BACH2: variants seen among roughly 807,000 people sequenced by gnomAD.
The protein encoded by BACH2 is BACH transcriptional regulator 2.
BACH2 carries 5 observed loss-of-function variants against 61.8 expected under a neutral mutation model. That is an observed-to-expected ratio of 0.08 (90% CI 0.04 to 0.17). The LOEUF is 0.17. Among genes scored for constraint, BACH2 ranks in the 10% least tolerant of loss-of-function variants. BACH2 has a pLI of 1.00. For synonymous variants in BACH2, 446 were observed against 440.1 expected, an observed-to-expected ratio of 1.01 and a Z score of -0.17; for missense variants, 824 against 1,091.1, an observed-to-expected ratio of 0.76 and a Z score of 3.45.
chr6:90,191,372 AT>A lies in BACH2; in HGVS notation c.-162+15196del, dbSNP rs545507585. On this transcript the variant is annotated intron_variant, in intron 4 of 8. Transcript: ENST00000257749. ...GTAAAAGTCCTAGAGACTTGCTTTA[AT>A]GATTAGATGGAACAAATTTTCAACT... is the stretch of plus-strand genomic sequence containing the variant. Among the ~76,000 whole-genome samples, 49 of 152,356 alleles carry A rather than the reference AT, an allele frequency of 3.2e-4. 2 individuals carry two copies. In the South Asian group the frequency reaches 8.9e-3, roughly 28 times the overall value.
intron 4 of BACH2, among the ~76,000 whole-genome samples, chr6:90,180,577 T>G (rs1342004180): frequency 1.3e-5 from 2 of 152,176 alleles, no homozygotes; most frequent in Non-Finnish European, 2.9e-5. Context: ...CCACTCTGTA[T>G]GCCTTTGTGT....
intron 4 of BACH2, among the ~76,000 whole-genome samples, chr6:90,198,324 C>T (rs1211514166): frequency 6.6e-6 from 1 of 152,134 alleles, no homozygotes; most frequent in Non-Finnish European, 1.5e-5. Context: ...CTTGACTGGT[C>T]TTTCAGCTGC....
intron 5 of BACH2, among the ~76,000 whole-genome samples, chr6:90,039,917 C>T (rs1779448138): frequency 6.6e-6 from 1 of 151,628 alleles, no homozygotes; most frequent in Admixed American, 6.6e-5. Flanking sequence ...AATTTTTTTC[C>T]CCTATTGCAT....
intron 6 of BACH2, among the ~76,000 whole-genome samples, chr6:90,002,795 A>C (rs1310571524): frequency 6.6e-6 from 1 of 151,756 alleles, no homozygotes; most frequent in Non-Finnish European, 1.5e-5. Flanking sequence ...AAATAAACAA[A>C]ACTCCCAATT....
chr6:90,189,471 G>A (rs1428096072), intron 4 of BACH2, among the ~76,000 whole-genome samples: 1 of 152,020 alleles, frequency 6.6e-6, no homozygotes, highest in African/African-American at 2.4e-5. Flanking sequence ...AGCCGGGCGC[G>A]GTGGCGGGCG....
chr6:90,128,760 C>T (rs1328813161), intron 4 of BACH2, among the ~76,000 whole-genome samples: 1 of 152,136 alleles, frequency 6.6e-6, no homozygotes, highest in Non-Finnish European at 1.5e-5. Flanking sequence ...GACACATGCA[C>T]ACATATGTTT....
At chr6:90,282,864 G>A (rs770380271) in intron 1 of BACH2, among the ~76,000 whole-genome samples, 2 of 152,052 alleles carry the variant, frequency 1.3e-5, no homozygotes, top group South Asian at 2.1e-4. Flanking sequence ...TTTTTCTTAG[G>A]TGTATACCTA....
intron 4 of BACH2, among the ~76,000 whole-genome samples, chr6:90,173,129 A>G (rs1188522948): frequency 6.6e-6 from 1 of 152,000 alleles, no homozygotes; most frequent in Middle Eastern, 3.4e-3. Context: ...AAAAAAAAAA[A>G]CAAAAGCAAA....
chr6:90,019,544 A>T (rs1351116128), intron 5 of BACH2, among the ~76,000 whole-genome samples: 1 of 152,240 alleles, frequency 6.6e-6, no homozygotes, highest in African/African-American at 2.4e-5. Context: ...CCAGATCTAC[A>T]ATTCTATGAG....
chr6:90,141,490 T>A (rs1256679917), intron 4 of BACH2, among the ~76,000 whole-genome samples: 6 of 107,582 alleles, frequency 5.6e-5, no homozygotes, highest in African/African-American at 2.9e-4. Flanking sequence ...CCCGATCCCG[T>A]TTTTTTTTTT....
intron 5 of BACH2, among the ~76,000 whole-genome samples, chr6:90,044,045 G>A (rs1367157695): frequency 2.0e-5 from 3 of 152,118 alleles, no homozygotes; most frequent in Non-Finnish European, 4.4e-5. Context: ...ATGATGCCAT[G>A]TACTGTTCTA....
At chr6:90,024,686 A>G (rs574599811) in intron 5 of BACH2, among the ~76,000 whole-genome samples, 2 of 152,346 alleles carry the variant, frequency 1.3e-5, no homozygotes, top group East Asian at 1.9e-4. Flanking sequence ...GAGATGCTCA[A>G]AAGAACACAA....
In BACH2 at chr6:89,928,267, C is replaced by T. The variant is rs758289832; in HGVS notation, c.*4141G>A. On this transcript the variant is annotated 3_prime_UTR_variant, in exon 9 of 9. Coordinates refer to ENST00000257749, the MANE Select transcript of BACH2 (RefSeq NM_021813.4). ...AAGCAGTTTGAAGTCATTTCTAAGA[C>T]AGCTCCTAGTTTAAATGGGGCATAA... 6.6e-6 allele frequency: 1 copy of T among 152,360 alleles called. No individual in the cohort carries two copies. Among genetic ancestry groups the T allele is most frequent in the Non-Finnish European group, 1.5e-5 (1 of 68,032 alleles). The allele number at this position is 152,360 out of a possible 1,614,324, so 9.4% of individuals were successfully genotyped here. A position where few individuals can be genotyped will look rare whatever the true frequency, so the allele number is the denominator to read the frequency against.
chr6:90,293,849 G>A (rs2127894989), intron 1 of BACH2, among the ~76,000 whole-genome samples: 1 of 152,266 alleles, frequency 6.6e-6, no homozygotes, highest in Non-Finnish European at 1.5e-5. Context: ...TTTCATCCAG[G>A]GATTTCAAGG....
intron 4 of BACH2, among the ~76,000 whole-genome samples, chr6:90,192,442 C>G (rs963700279): frequency 6.6e-6 from 1 of 152,002 alleles, no homozygotes; most frequent in Non-Finnish European, 1.5e-5. Context: ...TTACAAAACC[C>G]ACGTTCAACC....
intron 4 of BACH2, among the ~76,000 whole-genome samples, chr6:90,167,178 T>C (rs1320092125): frequency 6.6e-6 from 1 of 152,154 alleles, no homozygotes; most frequent in Non-Finnish European, 1.5e-5. Flanking sequence ...ATTTGTATCA[T>C]TTGCCTCTTC....
At chr6:90,122,069 C>T (rs1313742915) in intron 4 of BACH2, among the ~76,000 whole-genome samples, 1 of 152,152 alleles carries the variant, frequency 6.6e-6, no homozygotes, top group African/African-American at 2.4e-5. Context: ...CAGAACCCTA[C>T]CATGTGTGAC....
In BACH2 at chr6:89,929,086, A is replaced by G. The variant is rs1360372678; in HGVS notation, c.*3322T>C. On this transcript the variant is annotated 3_prime_UTR_variant, in exon 9 of 9. Coordinates refer to ENST00000257749, the MANE Select transcript of BACH2 (RefSeq NM_021813.4). ...AGGACTGGATTTAGGTGGGATGTTC[A>G]TTAGTCTCAGGGTCACTCACCTCCA... 2 of 143,830 alleles carry G rather than the reference A, an allele frequency of 1.4e-5. No homozygotes were observed. The highest frequency in any genetic ancestry group is 2.3e-4 in the East Asian group (1 of 4,364). 8.9% of individuals were successfully genotyped at this position (143,830 alleles called of 1,614,324 possible). A position where few individuals can be genotyped will look rare whatever the true frequency, so the allele number is the denominator to read the frequency against.
intron 4 of BACH2, among the ~76,000 whole-genome samples, chr6:90,126,067 T>C (rs1372789504): frequency 1.3e-5 from 2 of 152,110 alleles, no homozygotes; most frequent in African/African-American, 4.8e-5. Flanking sequence ...TTGCGATCTG[T>C]GGGATATGAA....
Sources: gnomAD v4.1 joint callset for allele counts (sites outside exome capture counted in the v4.1 genomes callset) on GRCh38, gnomAD v4.1.1 for gene constraint, MANE v1.5 for transcripts, NCBI Gene and HGNC (gene_info 2026-07-23, HGNC 2026-07-21) for gene names.